The following SYNE1 variants were observed in gnomAD, a reference collection of about 807,000 sequenced individuals.
The protein encoded by SYNE1 is spectrin repeat containing nuclear envelope protein 1, also known as nesprin-1.
Under a neutral mutation model 1,111.0 loss-of-function variants are expected in SYNE1, and 616 were observed. That is an observed-to-expected ratio of 0.55 (90% CI 0.52 to 0.59). The LOEUF is 0.59. Among genes scored for constraint, SYNE1 ranks in the 20% least tolerant of loss-of-function variants. SYNE1 has a pLI of 0.00. For synonymous variants in SYNE1, 3,855 were observed against 3,825.8 expected, an observed-to-expected ratio of 1.01 and a Z score of -0.28; for missense variants, 10,006 against 10,417.0, an observed-to-expected ratio of 0.96 and a Z score of 1.72.
chr6:152,220,338 G>A (rs2079856710), intron 119 of SYNE1, among the ~76,000 whole-genome samples: 1 of 152,020 alleles, frequency 6.6e-6, no homozygotes, highest in Non-Finnish European at 1.5e-5. Context: ...GTAGGTTATT[G>A]GCAGCTACAG....
At chr6:152,538,698 C>A (rs1173672229) in intron 4 of SYNE1, among the ~76,000 whole-genome samples, 1 of 151,680 alleles carries the variant, frequency 6.6e-6, no homozygotes, top group East Asian at 1.9e-4. Flanking sequence ...CAGATGGGAC[C>A]AACGGAAGCT....
chr6:152,436,468 A>T (rs1181715432), intron 32 of SYNE1, among the ~76,000 whole-genome samples: 2 of 151,844 alleles, frequency 1.3e-5, no homozygotes, highest in African/African-American at 4.8e-5. Context: ...CATCTGGCTA[A>T]TTTTCTGATT....
At chr6:152,449,260 C>T (rs926234946) in intron 28 of SYNE1, among the ~76,000 whole-genome samples, 19 of 152,238 alleles carry the variant, frequency 1.2e-4, no homozygotes, top group South Asian at 8.3e-4. Flanking sequence ...CTGGGTTATA[C>T]GCCCATGCAT....
chr6:152,314,616 T>C (rs2095651952), intron 87 of SYNE1, among the ~76,000 whole-genome samples: 1 of 152,076 alleles, frequency 6.6e-6, no homozygotes, highest in African/African-American at 2.4e-5. Context: ...GGGAATATCC[T>C]TTGTACCCTA....
At chr6:152,515,542 G>T (rs1236992190) in intron 6 of SYNE1, among the ~76,000 whole-genome samples, 1 of 152,220 alleles carries the variant, frequency 6.6e-6, no homozygotes, top group African/African-American at 2.4e-5. Context: ...AGGGATCACA[G>T]TTCTTGCAGT....
In SYNE1 at chr6:152,518,386, T is replaced by C. The variant is rs1341379212; in HGVS notation, c.309+2073A>G. ...TCCCTCTTGGGTACCCTCCACACAA[T>C]AGTGAGTGAGTTCTCGTAAGACGTG... On this transcript the variant is annotated intron_variant, in intron 6 of 145. Transcript: ENST00000367255. 2.0e-5 allele frequency among the ~76,000 whole-genome samples: 3 copies of C among 151,860 alleles called. No homozygotes were observed. In the East Asian group the frequency reaches 5.8e-4, roughly 29 times the overall value.
chr6:152,350,286 T>C lies in SYNE1; in HGVS notation c.11783A>G (p.Asn3928Ser), dbSNP rs2096718458. The C allele has an allele frequency of 6.2e-7, 1 of 1,614,186 alleles. No individual in the cohort carries two copies. The highest frequency in any genetic ancestry group is 2.2e-5 in the East Asian group (1 of 44,850). ...EAKVKDHEDY[N>S]SELQEVEKWL... The stretch of plus-strand genomic sequence containing the variant: ...CTTTTCGACCTCTTGGAGCTCACTG[T>C]TGTAGTCTTCATGGTCTTTGACTTT... Residue 3928 changes from asparagine (N) to serine (S), a missense_variant, in exon 72 of 146, where the codon AAC becomes AGC. Physicochemically the swap from Asn to Ser is conservative, Grantham distance 46. Around this residue, in one of 7 missense-constraint regions of SYNE1, gnomAD observed 4,955 missense variants for 5,017.2 expected, o/e 0.99. Coordinates refer to ENST00000367255, the MANE Select transcript of SYNE1 (RefSeq NM_182961.4).
Position 152,273,091 on chromosome 6 carries a change from A to T in SYNE1, c.18574-3805T>A, listed in dbSNP as rs539655469. ...GAATTTATAGATAGTTTAAAAATAA[A>T]CAGTAACCAATTTCCATGTAGTAAA... On this transcript the variant is annotated intron_variant, in intron 98 of 145. Coordinates refer to ENST00000367255, the MANE Select transcript of SYNE1 (RefSeq NM_182961.4). 3.3e-5 allele frequency among the ~76,000 whole-genome samples: 5 copies of T among 152,354 alleles called. No homozygotes were observed. The South Asian group carries it at 1.0e-3, about 32-fold the overall frequency.
At chr6:152,131,329 TAAAA>T (rs34061887) in intron 144 of SYNE1, among the ~76,000 whole-genome samples, 1 of 141,876 alleles carries the variant, frequency 7.0e-6, no homozygotes, top group Non-Finnish European at 1.5e-5. Context: ...GTGAATGTAG[TAAAA>T]AAAAAAAAAA....
chr6:152,259,555 A>ACAGAGATATCGGCTTCCTGATTC (rs2091606179), intron 101 of SYNE1, among the ~76,000 whole-genome samples: 1 of 152,206 alleles, frequency 6.6e-6, no homozygotes, highest in Admixed American at 6.5e-5. Context: ...GACTTAGGTA[A>ACAGAGATATCGGCTTCCTGATTC]CAGAGATATC....
chr6:152,615,368 T>C (rs1293098787), intron 3 of SYNE1, among the ~76,000 whole-genome samples: 4 of 152,200 alleles, frequency 2.6e-5, no homozygotes, highest in Non-Finnish European at 5.9e-5. Context: ...TGTACAACTA[T>C]TGTTATCATC....
chr6:152,370,880 C>G (rs751461254), intron 59 of SYNE1, among the ~76,000 whole-genome samples: 12 of 152,174 alleles, frequency 7.9e-5, no homozygotes, highest in Non-Finnish European at 1.5e-4. Context: ...TTACTCACCT[C>G]TGAGGGATAT....
Position 152,484,978 on chromosome 6 carries a change from A to G in SYNE1, c.1048-6T>C. The G allele has an allele frequency of 6.2e-7, 1 of 1,610,440 alleles. No homozygotes were observed. Among genetic ancestry groups the G allele is most frequent in the Non-Finnish European group, 8.5e-7 (1 of 1,178,922 alleles). On this transcript the variant is annotated splice_region_variant and splice_polypyrimidine_tract_variant and intron_variant, in intron 12 of 145. Transcript: ENST00000367255. ...ACTCTGAAGTGCTTAAATGACTAAA[A>G]GAGGAAAAACAGCAACAGTATGGCA...
At chr6:152,346,748 T>C (rs1398281698) in intron 73 of SYNE1, among the ~76,000 whole-genome samples, 5 of 152,046 alleles carry the variant, frequency 3.3e-5, no homozygotes, top group Admixed American at 6.5e-5. Flanking sequence ...AGGCGGAGCT[T>C]GCAGTGAGCC....
chr6:152,136,777 G>C lies in SYNE1; in HGVS notation c.25500C>G (p.Leu8500=). The C allele has an allele frequency of 6.2e-7, 1 of 1,614,238 alleles. No homozygotes were observed. Among genetic ancestry groups the C allele is most frequent in the African/African-American group, 1.3e-5 (1 of 75,068 alleles). Residue 8500 remains leucine (L), a synonymous_variant, in exon 141 of 146, where the codon CTC becomes CTG. Transcript: ENST00000367255. The part of the protein sequence containing the change: ...KAVDHRKAII[L]SINLCSPEFT... ...ACTCAGGGCTGCAGAGATTGATGGAGAGGATGATGGCTTTGCGGTGGTCCA... is the reference window on the plus strand; with the variant it reads ...ACTCAGGGCTGCAGAGATTGATGGACAGGATGATGGCTTTGCGGTGGTCCA...
chr6:152,442,184 T>C lies in SYNE1; in HGVS notation c.3899A>G (p.Gln1300Arg). Residue 1300 changes from glutamine (Q) to arginine (R), a missense_variant, in exon 31 of 146, where the codon CAG becomes CGG. Gln to Arg is a conservative substitution (Grantham distance 43). Coordinates refer to ENST00000367255, the MANE Select transcript of SYNE1 (RefSeq NM_182961.4). ...RDVQQQIAQA[Q>R]QGEGGLPDRG... is the part of the protein sequence containing the mutation. ...GTCAGGCAGCCCCCCTTCTCCCTGCTGCGCCTGCGCGATCTGCTGCTGCAC... is the reference window on the plus strand; with the variant it reads ...GTCAGGCAGCCCCCCTTCTCCCTGCCGCGCCTGCGCGATCTGCTGCTGCAC... The C allele has an allele frequency of 6.2e-7, 1 of 1,613,758 alleles. No homozygotes were observed. The highest frequency in any genetic ancestry group is 1.7e-5 in the Admixed American group (1 of 60,026).
chr6:152,440,028 T>C (rs144879263), intron 32 of SYNE1, among the ~76,000 whole-genome samples: 281 of 152,282 alleles, frequency 1.8e-3, no homozygotes, highest in African/African-American at 5.7e-3. Context: ...CCCATCTCAC[T>C]TCCATTGTCT....
chr6:152,310,630 G>C (rs2095518259), intron 88 of SYNE1, 58 bp downstream of exon 88: 1 of 1,608,676 alleles, frequency 6.2e-7, no homozygotes, highest in Non-Finnish European at 8.5e-7. Context: ...TAGTGGCATT[G>C]CCATTTTCTT....
chr6:152,309,485 G>GT (rs1178379714), intron 90 of SYNE1, among the ~76,000 whole-genome samples: 1 of 152,106 alleles, frequency 6.6e-6, no homozygotes. Context: ...AAAAAACTCT[G>GT]TAACACAAGA....
Sources: gnomAD v4.1 joint callset for allele counts (sites outside exome capture counted in the v4.1 genomes callset) on GRCh38, gnomAD v4.1.1 for gene constraint, gnomAD v4.1.1 regional missense constraint, MANE v1.5 for transcripts, NCBI Gene and HGNC (gene_info 2026-07-23, HGNC 2026-07-21) for gene names.